DMXL1: variants seen among roughly 807,000 people sequenced by gnomAD.
DMXL1 encodes the protein dmX-like protein 1.
Under a neutral mutation model 319.2 loss-of-function variants are expected in DMXL1, and 99 were observed. The observed-to-expected ratio is 0.31, with a 90% CI of 0.26 to 0.37. The LOEUF is 0.37. Among genes scored for constraint, DMXL1 ranks in the 10% least tolerant of loss-of-function variants. The pLI is 1.00. For synonymous variants in DMXL1, 1,385 were observed against 1,235.2 expected (o/e 1.12, Z -2.54); for missense variants, 3,745 against 3,595.6 (o/e 1.04, Z -1.06).
chr5:119,235,009 C>T (rs550049053), intron 39 of DMXL1, among the ~76,000 whole-genome samples: 28 of 152,170 alleles, frequency 1.8e-4, no homozygotes, highest in African/African-American at 5.8e-4. Context: ...TATCTTTGAC[C>T]GGCAGTCAAC....
intron 11 of DMXL1, 39 bp downstream of exon 11, chr5:119,133,424 TGTGG>T (rs766765055): frequency 6.3e-7 from 1 of 1,591,782 alleles, no homozygotes; most frequent in Non-Finnish European, 8.6e-7. Flanking sequence ...TCCTTGTTTA[TGTGG>T]GTACTATTTT....
chr5:119,193,211 T>C (rs1037391180), intron 29 of DMXL1, among the ~76,000 whole-genome samples: 3 of 152,130 alleles, frequency 2.0e-5, no homozygotes, highest in Non-Finnish European at 4.4e-5. Flanking sequence ...TCCTTTACCA[T>C]GGCCTACAAG....
intron 1 of DMXL1, among the ~76,000 whole-genome samples, chr5:119,074,975 A>T (rs1283207344): frequency 6.6e-6 from 1 of 152,172 alleles, no homozygotes; most frequent in Non-Finnish European, 1.5e-5. Context: ...TATTATTCAT[A>T]GAGTTGCTAC....
intron 8 of DMXL1, 63 bp downstream of exon 8, chr5:119,119,067 G>A: frequency 1.8e-6 from 2 of 1,090,524 alleles, no homozygotes; most frequent in Non-Finnish European, 2.6e-6. Context: ...TGCCTTTTTG[G>A]TAACACAGTA....
chr5:119,186,229 T>TA (rs1294874837), intron 28 of DMXL1, among the ~76,000 whole-genome samples: 2 of 152,188 alleles, frequency 1.3e-5, no homozygotes, highest in African/African-American at 4.8e-5. Context: ...GATTGAGAAA[T>TA]AGAGAGTGAG....
In DMXL1 at chr5:119,148,983, A is replaced by G. The variant is rs1276027727; in HGVS notation, c.3156A>G (p.Ala1052=). ...VPGRPVEVSC[A]HTNRLAVAYK... ...GTAGGCCTGTAGAAGTTAGCTGTGC[A>G]CATACAAATCGTTTAGCAGTAGCTT... The change falls in exon 18 of 44, where the codon GCA becomes GCG. Residue 1052 remains alanine, a synonymous_variant. Coordinates refer to ENST00000539542, the MANE Select transcript of DMXL1 (RefSeq NM_001290321.3). 1 of 1,613,988 alleles carries G rather than the reference A, an allele frequency of 6.2e-7. No individual in the cohort carries two copies.
intron 13 of DMXL1, among the ~76,000 whole-genome samples, chr5:119,141,174 A>G (rs565672755): frequency 3.3e-5 from 5 of 152,268 alleles, no homozygotes; most frequent in African/African-American, 1.2e-4. Flanking sequence ...AGCTGGAAGC[A>G]TTCCCCCTGA....
chr5:119,071,296 G>C lies in DMXL1; in HGVS notation c.-274G>C. On this transcript the variant is annotated 5_prime_UTR_variant, in exon 1 of 44. Coordinates refer to ENST00000539542, the MANE Select transcript of DMXL1 (RefSeq NM_001290321.3). ...GGGTCGTGGCCGGTGAGGGGACCCT[G>C]AGCTTCACCTGGGCTAGCGCGGGGA... 4.3e-6 allele frequency: 2 copies of C among 459,864 alleles called. No homozygotes were observed. Among genetic ancestry groups the C allele is most frequent in the Non-Finnish European group, 7.8e-6 (2 of 257,364 alleles). 28.5% of individuals were successfully genotyped at this position (459,864 alleles called of 1,614,324 possible). A position where few individuals can be genotyped will look rare whatever the true frequency, so the allele number is the denominator to read the frequency against.
intron 9 of DMXL1, among the ~76,000 whole-genome samples, chr5:119,122,012 G>A (rs1201883935): frequency 3.5e-5 from 5 of 144,396 alleles, no homozygotes; most frequent in Admixed American, 6.8e-5. Context: ...CTCACCTCCC[G>A]GACGGGGCGG....
chr5:119,124,805 G>T (rs1348974835), intron 9 of DMXL1, among the ~76,000 whole-genome samples: 1 of 152,032 alleles, frequency 6.6e-6, no homozygotes, highest in East Asian at 1.9e-4. Flanking sequence ...ACCTCCTCGT[G>T]ATCTGCCTGC....
chr5:119,247,247 T>A lies in DMXL1; in HGVS notation c.*28T>A. On this transcript the variant is annotated 3_prime_UTR_variant, in exon 44 of 44. Coordinates refer to ENST00000539542, the MANE Select transcript of DMXL1 (RefSeq NM_001290321.3). ...TTTTTACAATAAGATGTACAATTTA[T>A]TACCTATATGGAAGTGGCCAACAGA... 2 of 1,533,684 alleles carry A rather than the reference T, an allele frequency of 1.3e-6. No individual in the cohort carries two copies. The highest frequency in any genetic ancestry group is 1.8e-6 in the Non-Finnish European group (2 of 1,112,460).
At chr5:119,183,667 T>C (rs1212560643) in intron 28 of DMXL1, among the ~76,000 whole-genome samples, 1 of 152,116 alleles carries the variant, frequency 6.6e-6, no homozygotes, top group Non-Finnish European at 1.5e-5. Flanking sequence ...AGAGACGGGC[T>C]AGGCTGGTCT....
chr5:119,081,641 A>G (rs1446807866), intron 1 of DMXL1: 1 of 985,258 alleles, frequency 1.0e-6, no homozygotes, highest in Non-Finnish European at 1.2e-6. Context: ...AAGAAGATAT[A>G]GAGCCGCAGA....
chr5:119,173,698 G>GTGTA (rs1416089635), intron 25 of DMXL1, among the ~76,000 whole-genome samples: 11 of 55,910 alleles, frequency 2.0e-4, no homozygotes, highest in South Asian at 8.8e-4. Context: ...GTGTGTGTGT[G>GTGTA]TATATATATA....
At chr5:119,105,158 A>G in intron 3 of DMXL1, 22 bp from the exon 4 acceptor site, 1 of 1,523,692 alleles carries the variant, frequency 6.6e-7, no homozygotes, top group Non-Finnish European at 9.1e-7. Flanking sequence ...ATAATGGGCT[A>G]AATGACTTTT....
chr5:119,163,443 G>A (rs1772697558), intron 19 of DMXL1, among the ~76,000 whole-genome samples: 1 of 152,168 alleles, frequency 6.6e-6, no homozygotes, highest in African/African-American at 2.4e-5. Context: ...TTGAGACAGA[G>A]CCTTACTCTG....
chr5:119,240,370 A>G, intron 41 of DMXL1, 49 bp from the exon 42 acceptor site: 1 of 1,340,610 alleles, frequency 7.5e-7, no homozygotes, highest in Non-Finnish European at 1.0e-6. Flanking sequence ...CATATTTTTT[A>G]TTGTTAGCTT....
rs1297567026 is a variant in DMXL1, at chr5:119,171,854, A to G, written c.6566A>G (p.Asn2189Ser). 29 of 1,613,784 alleles carry G rather than the reference A, an allele frequency of 1.8e-5. No homozygotes were observed. The highest frequency in any genetic ancestry group is 2.4e-5 in the Non-Finnish European group (28 of 1,179,894). ...CCTCTCCTCTTTGCTTGTACAGCCA[A>G]TGCCAAAACAGTAGTTGCCAATCCA... ...SVPLLFACTA[N>S]AKTVVANPLL... Residue 2189 changes from asparagine (N) to serine (S), a missense_variant, in exon 25 of 44, where the codon AAT becomes AGT. Transcript: ENST00000539542.
At chr5:119,227,980 C>A (rs1785911573) in intron 38 of DMXL1, among the ~76,000 whole-genome samples, 1 of 152,012 alleles carries the variant, frequency 6.6e-6, no homozygotes, top group African/African-American at 2.4e-5. Flanking sequence ...TACTGAATAG[C>A]TTAAGAGAAA....
Sources: allele counts gnomAD v4.1 joint callset (sites outside exome capture counted in the v4.1 genomes callset), GRCh38; gene constraint gnomAD v4.1.1; transcripts MANE v1.5; gene names NCBI Gene and HGNC (gene_info 2026-07-23, HGNC 2026-07-21).